Variants in MBD5 observed in about 807,000 individuals in gnomAD.
The protein encoded by MBD5 is methyl-CpG-binding domain protein 5.
In MBD5, 13 loss-of-function variants were observed where a neutral mutation model predicts 117.3. The observed-to-expected ratio is 0.11, with a 90% CI of 0.07 to 0.18. The LOEUF is 0.18. Among genes scored for constraint, MBD5 ranks in the 10% least tolerant of loss-of-function variants. MBD5 has a pLI of 1.00. For synonymous variants in MBD5, 727 were observed against 766.4 expected (o/e 0.95, Z 0.85); for missense variants, 1,879 against 2,093.8 (o/e 0.90, Z 2.00).
At chr2:148,137,517 T>G (rs1697198676) in intron 1 of MBD5, among the ~76,000 whole-genome samples, 1 of 152,172 alleles carries the variant, frequency 6.6e-6, no homozygotes, top group African/African-American at 2.4e-5. Flanking sequence ...TCCAGCACTT[T>G]GGGAGGCTTA....
chr2:148,096,850 T>A (rs560421771), intron 1 of MBD5, among the ~76,000 whole-genome samples: 1 of 152,218 alleles, frequency 6.6e-6, no homozygotes, highest in East Asian at 1.9e-4. Flanking sequence ...AGGCACCTAG[T>A]GAGGCATATT....
intron 3 of MBD5, among the ~76,000 whole-genome samples, chr2:148,324,063 C>G (rs1702373101): frequency 6.6e-6 from 1 of 152,166 alleles, no homozygotes; most frequent in African/African-American, 2.4e-5. Context: ...TTACATATGG[C>G]TAGCCAGTTT....
At chr2:148,131,970 A>G (rs527691553) in intron 1 of MBD5, among the ~76,000 whole-genome samples, 3 of 152,214 alleles carry the variant, frequency 2.0e-5, no homozygotes, top group African/African-American at 7.2e-5. Context: ...GCATATAGTC[A>G]GCTTAGAGTT....
intron 1 of MBD5, among the ~76,000 whole-genome samples, chr2:148,097,220 A>T (rs1696092777): frequency 6.6e-6 from 1 of 152,256 alleles, no homozygotes; most frequent in East Asian, 1.9e-4. Context: ...ATACTAGAAG[A>T]TAAACTATTT....
intron 2 of MBD5, among the ~76,000 whole-genome samples, chr2:148,215,590 T>G (rs959181297): frequency 1.3e-5 from 2 of 151,984 alleles, no homozygotes; most frequent in Admixed American, 6.6e-5. Context: ...GGCACCATCA[T>G]ACCTCACTGC....
chr2:148,431,836 A>G (rs920909701), intron 4 of MBD5, among the ~76,000 whole-genome samples: 1 of 152,166 alleles, frequency 6.6e-6, no homozygotes, highest in African/African-American at 2.4e-5. Context: ...ATAGCGCTGC[A>G]GTGGACATAC....
chr2:148,307,826 G>A (rs6724487), intron 3 of MBD5, among the ~76,000 whole-genome samples: 3,032 of 152,066 alleles, frequency 0.02, 109 homozygotes, highest in African/African-American at 0.07. Context: ...GGTGTGTGAT[G>A]TTCCCCTCCC....
intron 4 of MBD5, among the ~76,000 whole-genome samples, chr2:148,420,313 A>G (rs745615554): frequency 5.9e-5 from 9 of 152,108 alleles, no homozygotes; most frequent in Non-Finnish European, 1.3e-4. Flanking sequence ...CTTAGAGTCT[A>G]TGTTCCATAT....
At chr2:148,236,068 G>A (rs901186532) in intron 3 of MBD5, among the ~76,000 whole-genome samples, 2 of 152,134 alleles carry the variant, frequency 1.3e-5, no homozygotes, top group African/African-American at 2.4e-5. Flanking sequence ...CAAAGTGCTG[G>A]GATTACAGGT....
intron 3 of MBD5, among the ~76,000 whole-genome samples, chr2:148,259,400 C>A (rs973924940): frequency 6.6e-6 from 1 of 152,216 alleles, no homozygotes; most frequent in Non-Finnish European, 1.5e-5. Context: ...GACCCATCTA[C>A]CTCTGCCCAT....
intron 1 of MBD5, among the ~76,000 whole-genome samples, chr2:148,090,207 A>C (rs1438269841): frequency 6.6e-6 from 1 of 151,940 alleles, no homozygotes; most frequent in Non-Finnish European, 1.5e-5. Context: ...AATTGGCAAC[A>C]ACAACAAAAA....
chr2:148,101,280 A>G (rs1025474747), intron 1 of MBD5, among the ~76,000 whole-genome samples: 12 of 151,898 alleles, frequency 7.9e-5, no homozygotes, highest in African/African-American at 2.9e-4. Context: ...GTGAGACCCC[A>G]TTTCTAAACG....
At chr2:148,196,280 A>T (rs568108763) in intron 2 of MBD5, 1 of 152,154 alleles carries the variant, frequency 6.6e-6, no homozygotes, top group Non-Finnish European at 1.5e-5. Flanking sequence ...TTAAATTTCC[A>T]TGGATGTTAG....
intron 12 of MBD5, among the ~76,000 whole-genome samples, chr2:148,504,972 C>T (rs900368343): frequency 1.3e-5 from 2 of 152,010 alleles, no homozygotes; most frequent in African/African-American, 4.8e-5. Context: ...TGTACAAGGA[C>T]AATTTTAAGG....
chr2:148,314,374 TG>T (rs1559018371), intron 3 of MBD5, among the ~76,000 whole-genome samples: 2 of 106,324 alleles, frequency 1.9e-5, no homozygotes, highest in South Asian at 8.1e-4. Flanking sequence ...TTCAGTGTTA[TG>T]GTTTTTTTTT....
intron 2 of MBD5, among the ~76,000 whole-genome samples, chr2:148,226,149 C>T (rs181030932): frequency 6.6e-6 from 1 of 151,436 alleles, no homozygotes; most frequent in East Asian, 1.9e-4. Context: ...TTTTAGGGTA[C>T]ATTTGCACAA....
intron 1 of MBD5, among the ~76,000 whole-genome samples, chr2:148,094,027 A>G (rs1167479040): frequency 6.6e-6 from 1 of 152,190 alleles, no homozygotes; most frequent in African/African-American, 2.4e-5. Context: ...TAAAGAAACT[A>G]AGGTACAGAG....
intron 4 of MBD5, among the ~76,000 whole-genome samples, chr2:148,446,727 G>A (rs926209881): frequency 1.3e-5 from 2 of 151,778 alleles, no homozygotes; most frequent in Non-Finnish European, 2.9e-5. Context: ...TTATCCAATG[G>A]TGGCCATGGA....
At chr2:148,269,467 C>T (rs1700933094) in intron 3 of MBD5, among the ~76,000 whole-genome samples, 1 of 151,494 alleles carries the variant, frequency 6.6e-6, no homozygotes, top group Non-Finnish European at 1.5e-5. Context: ...TTTTATTTTA[C>T]TTTTATATTT....
Sources: gnomAD v4.1 joint callset for allele counts (sites outside exome capture counted in the v4.1 genomes callset) on GRCh38, gnomAD v4.1.1 for gene constraint, MANE v1.5 for transcripts, NCBI Gene and HGNC (gene_info 2026-07-23, HGNC 2026-07-21) for gene names.